The following KCNMA1 variants were observed in gnomAD, a reference collection of about 807,000 sequenced individuals.
KCNMA1 encodes Calcium-activated potassium channel subunit alpha-1.
KCNMA1 carries 29 observed loss-of-function variants against 140.0 expected under a neutral mutation model. The ratio of observed to expected loss-of-function variants is 0.21; its 90% confidence interval spans 0.15 to 0.28. The LOEUF (loss-of-function observed/expected upper bound fraction) is 0.28, where lower values mean the gene tolerates loss of function less well. Among genes scored for constraint, KCNMA1 ranks in the 10% least tolerant of loss-of-function variants. The pLI, the probability that KCNMA1 is intolerant of heterozygous loss-of-function variation, is 1.00. For synonymous variants in KCNMA1, 612 were observed against 611.9 expected (o/e 1.00, Z 0.00); for missense variants, 880 against 1,602.2 (o/e 0.55, Z 7.70).
chr10:77,079,405 A>G, intron 13 of KCNMA1, 76 bp downstream of exon 13: 5 of 583,194 alleles, frequency 8.6e-6, no homozygotes, highest in South Asian at 6.6e-5. Context: ...TGTGTGTGTG[A>G]GCCTGTATAA....
intron 1 of KCNMA1, among the ~76,000 whole-genome samples, chr10:77,417,466 T>G (rs1397305461): frequency 6.6e-6 from 1 of 152,186 alleles, no homozygotes; most frequent in African/African-American, 2.4e-5. Context: ...CCAGTTTCCA[T>G]GACTTGAAGC....
chr10:77,400,539 C>T (rs1240113235), intron 2 of KCNMA1, among the ~76,000 whole-genome samples: 2 of 152,178 alleles, frequency 1.3e-5, no homozygotes, highest in Non-Finnish European at 1.5e-5. Context: ...GCATTATCTT[C>T]GACTGGGAAG....
At chr10:77,349,355 C>T (rs1283456689) in intron 2 of KCNMA1, among the ~76,000 whole-genome samples, 3 of 152,198 alleles carry the variant, frequency 2.0e-5, no homozygotes, top group African/African-American at 4.8e-5. Flanking sequence ...AACTTTCCAG[C>T]CTCCAGAACT....
intron 5 of KCNMA1, among the ~76,000 whole-genome samples, chr10:77,126,724 C>G (rs1346811139): frequency 5.5e-5 from 1 of 18,334 alleles, no homozygotes; most frequent in Non-Finnish European, 1.2e-4. Flanking sequence ...CCCACCCCCC[C>G]ACCCCCCCCC....
At chr10:76,884,276 A>C (rs2035854988), downstream of KCNMA1, 2 of 152,198 alleles carry the variant, frequency 1.3e-5, no homozygotes, top group African/African-American at 4.8e-5. Flanking sequence ...TATACACAGC[A>C]GAACACTTTT....
intron 1 of KCNMA1, among the ~76,000 whole-genome samples, chr10:77,603,686 T>G (rs775901400): frequency 2.0e-5 from 3 of 151,870 alleles, no homozygotes; most frequent in Non-Finnish European, 2.9e-5. Flanking sequence ...AGAAAGCACC[T>G]CCCTTACTCC....
intron 1 of KCNMA1, among the ~76,000 whole-genome samples, chr10:77,417,587 T>C (rs536681592): frequency 1.3e-5 from 2 of 152,368 alleles, no homozygotes; most frequent in Non-Finnish European, 2.9e-5. Context: ...GAGAGGCACA[T>C]GCCCTACCAG....
chr10:77,587,871 T>C (rs1034406680), intron 1 of KCNMA1: 4 of 985,376 alleles, frequency 4.1e-6, no homozygotes, highest in South Asian at 4.7e-5. Context: ...TATGTGCCAC[T>C]CTGAAAAGAA....
At chr10:76,877,821 G>T (rs556103359) in exon 30 of KCNMA1, 2 of 1,602,316 alleles carry the variant, frequency 1.2e-6, no homozygotes, top group South Asian at 1.1e-5. Context: ...AGCCATGTGG[G>T]TACTCATGGG....
rs116461322 is a variant in KCNMA1 at position 77,143,375 on chromosome 10, G to C, written c.809-22327C>G. On this transcript the variant is annotated intron_variant, in intron 5 of 27. Transcript: ENST00000286628. The stretch of plus-strand genomic sequence containing the variant: ...AAATAATGAAACTATGTTGTGTTAA[G>C]ATAATGTGTCGTGCCCCCCAAAAAG... 8.1e-3 allele frequency among the ~76,000 whole-genome samples: 1,230 copies of C among 152,188 alleles called. 15 individuals are homozygous for C. Among genetic ancestry groups the C allele is most frequent in the African/African-American group, 0.028 (1,174 of 41,544 alleles).
At position 77,358,959 on chromosome 10, in the gene KCNMA1, G is replaced by A. The variant is rs2093720876; in HGVS notation, c.540+44903C>T. Among the ~76,000 whole-genome samples the A allele has an allele frequency of 3.3e-5, 5 of 152,252 alleles. No homozygotes were observed. In the South Asian group the frequency reaches 1.0e-3, roughly 32 times the overall value. The stretch of plus-strand genomic sequence containing the variant: ...CCTTCACTCTCTTACACAATGAGCT[G>A]GGCATCCTCAGTTTCCCCTTCATGC... On this transcript the variant is annotated intron_variant, in intron 2 of 27. Coordinates refer to ENST00000286628, the MANE Select transcript of KCNMA1 (RefSeq NM_001161352.2).
At chr10:77,264,274 G>C (rs1297505924) in intron 2 of KCNMA1, among the ~76,000 whole-genome samples, 1 of 152,150 alleles carries the variant, frequency 6.6e-6, no homozygotes, top group Non-Finnish European at 1.5e-5. Flanking sequence ...AGGGGACCTA[G>C]AGCTCTGGCT....
chr10:77,581,340 C>T (rs941378925), intron 1 of KCNMA1, among the ~76,000 whole-genome samples: 1 of 150,658 alleles, frequency 6.6e-6, no homozygotes, highest in African/African-American at 2.4e-5. Context: ...GACAGAGTCT[C>T]GCTCTGTCAC....
chr10:77,301,929 C>T (rs754042957), intron 2 of KCNMA1, among the ~76,000 whole-genome samples: 1 of 151,388 alleles, frequency 6.6e-6, no homozygotes, highest in Non-Finnish European at 1.5e-5. Context: ...AAAACAAACC[C>T]AACTAAAGCC....
chr10:77,081,083 C>T (rs986312470), intron 12 of KCNMA1, among the ~76,000 whole-genome samples: 1 of 152,146 alleles, frequency 6.6e-6, no homozygotes, highest in Non-Finnish European at 1.5e-5. Flanking sequence ...TGCACCCACC[C>T]CAGGCCTCAC....
intron 1 of KCNMA1, among the ~76,000 whole-genome samples, chr10:77,581,055 C>T (rs2154562905): frequency 6.6e-6 from 1 of 152,304 alleles, no homozygotes; most frequent in East Asian, 1.9e-4. Context: ...CTATCACCAT[C>T]ATAAAATTCT....
intron 2 of KCNMA1, among the ~76,000 whole-genome samples, chr10:77,298,010 C>T (rs1359275564): frequency 6.6e-6 from 1 of 152,132 alleles, no homozygotes; most frequent in African/African-American, 2.4e-5. Context: ...TTGCCTTTTC[C>T]TCACCAGTCA....
intron 3 of KCNMA1, among the ~76,000 whole-genome samples, chr10:77,233,066 A>G (rs2054158606): frequency 6.6e-6 from 1 of 152,112 alleles, no homozygotes; most frequent in Admixed American, 6.5e-5. Context: ...TTTAAAAAAG[A>G]AATTTGTAGA....
At chr10:77,489,892 C>T (rs143709801) in intron 1 of KCNMA1, among the ~76,000 whole-genome samples, 3 of 152,352 alleles carry the variant, frequency 2.0e-5, no homozygotes, top group Non-Finnish European at 2.9e-5. Flanking sequence ...AGCTCTGGTG[C>T]AGCTGTGCTG....
Sources: allele counts gnomAD v4.1 joint callset (sites outside exome capture counted in the v4.1 genomes callset), GRCh38; gene constraint gnomAD v4.1.1; transcripts MANE v1.5; gene names NCBI Gene and HGNC (gene_info 2026-07-23, HGNC 2026-07-21).